The following UPF2 variants were observed in gnomAD, a reference collection of about 807,000 sequenced individuals.
UPF2 encodes the protein regulator of nonsense transcripts 2.
Under a neutral mutation model 141.4 loss-of-function variants are expected in UPF2, and 17 were observed. That is an observed-to-expected ratio of 0.12 (90% CI 0.08 to 0.18). The LOEUF (loss-of-function observed/expected upper bound fraction) is 0.18. UPF2 is among the 10% of genes least tolerant of loss of function. UPF2 has a pLI of 1.00. For missense variants in UPF2, 1,152 were observed against 1,515.9 expected (o/e 0.76, Z 3.99); for synonymous variants, 540 against 498.0 (o/e 1.08, Z -1.12).
chr10:12,009,122 T>TTAATAGAAAATATGGCATCA (rs1834087015), intron 4 of UPF2, among the ~76,000 whole-genome samples: 1 of 152,200 alleles, frequency 6.6e-6, no homozygotes, highest in Admixed American at 6.5e-5. Flanking sequence ...GTAAATTTCT[T>TTAATAGAAAATATGGCATCA]TAATAGAAAA....
At chr10:12,017,004 A>G (rs558022288) in intron 3 of UPF2, among the ~76,000 whole-genome samples, 2 of 150,926 alleles carry the variant, frequency 1.3e-5, no homozygotes, top group South Asian at 2.1e-4. Flanking sequence ...TGAGCAACAG[A>G]GCGAGACTCC....
intron 19 of UPF2, among the ~76,000 whole-genome samples, chr10:11,933,915 G>A (rs1308687625): frequency 6.6e-6 from 1 of 152,182 alleles, no homozygotes; most frequent in East Asian, 1.9e-4. Context: ...CTGTGCCAAT[G>A]TAACAGCATT....
intron 8 of UPF2, among the ~76,000 whole-genome samples, chr10:11,996,433 C>T (rs1468773060): frequency 6.6e-6 from 1 of 151,878 alleles, no homozygotes; most frequent in Non-Finnish European, 1.5e-5. Context: ...CTGCAACCTC[C>T]GCCTCCTGGG....
At chr10:12,022,410 C>CAAA (rs112402179) in intron 3 of UPF2, among the ~76,000 whole-genome samples, 2 of 75,024 alleles carry the variant, frequency 2.7e-5, no homozygotes, top group African/African-American at 8.3e-5. Context: ...GACTCCGTCT[C>CAAA]AAAAAAAAAA....
At chr10:11,947,812 CAT>C (rs1301367697) in intron 16 of UPF2, among the ~76,000 whole-genome samples, 7 of 130,168 alleles carry the variant, frequency 5.4e-5, no homozygotes, top group Non-Finnish European at 9.8e-5. Flanking sequence ...AAAAAAAAGA[CAT>C]GTGGAGATCA....
intron 4 of UPF2, among the ~76,000 whole-genome samples, chr10:12,011,254 C>G (rs1327978882): frequency 6.6e-6 from 1 of 152,218 alleles, no homozygotes; most frequent in East Asian, 1.9e-4. Flanking sequence ...CCTCCCAAAG[C>G]CCTGGTATTA....
rs545983739 is a variant in UPF2, at chr10:12,001,804, T to C, written c.1526A>G (p.Asn509Ser). The change falls in exon 6 of 22, where the codon AAT (asparagine) becomes AGT (serine). Residue 509 changes from asparagine to serine, a missense_variant. Physicochemically the swap from Asn to Ser is conservative, Grantham distance 46 (BLOSUM62 1). Transcript: ENST00000357604. The part of the protein sequence containing the change: ...DTKEAKESKE[N>S]KEVSSPDDLE... ...ATCATCGGGACTTGATACCTCCTTA[T>C]TCTCCTTAGATTCTTTTGCCTCTGT... 4 of 1,605,244 alleles carry C rather than the reference T, an allele frequency of 2.5e-6. No individual in the cohort carries two copies. In the East Asian group the frequency reaches 6.7e-5, roughly 27 times the overall value.
chr10:11,921,321 C>T lies in UPF2; in HGVS notation c.3810-14G>A. 1 of 1,614,102 alleles carries T rather than the reference C, an allele frequency of 6.2e-7. No individual in the cohort carries two copies. The highest frequency in any genetic ancestry group is 8.5e-7 in the Non-Finnish European group (1 of 1,180,026). ...GATCAACGTCTCCTAAAGGAACAAA[C>T]AGGGTCACATCAGAGAGCTTACTGC... On this transcript the variant is annotated splice_polypyrimidine_tract_variant and intron_variant, in intron 21 of 21. Coordinates refer to ENST00000357604, the MANE Select transcript of UPF2 (RefSeq NM_015542.4). This position sits in a 1 kb window ranked among gnomAD's most constrained non-coding sequence, Gnocchi z 5.9.
At chr10:12,033,289 A>C (rs575727988) in intron 2 of UPF2, among the ~76,000 whole-genome samples, 51 of 152,114 alleles carry the variant, frequency 3.4e-4, no homozygotes, top group African/African-American at 1.2e-3. Context: ...TAATCTCAAC[A>C]CTTTGGGAGG....
chr10:11,952,412 C>A (rs933531560), intron 14 of UPF2, among the ~76,000 whole-genome samples, 163 bp from the exon 15 acceptor site: 1 of 151,474 alleles, frequency 6.6e-6, no homozygotes, highest in Non-Finnish European at 1.5e-5. Flanking sequence ...GATCCTATTC[C>A]AATCATTTCC....
chr10:12,008,496 G>A (rs1834073409), intron 4 of UPF2, among the ~76,000 whole-genome samples: 1 of 151,776 alleles, frequency 6.6e-6, no homozygotes, highest in African/African-American at 2.4e-5. Context: ...CAGGCATGGT[G>A]ACACATGCCT....
At chr10:11,964,410 G>A (rs1564346951) in intron 10 of UPF2, among the ~76,000 whole-genome samples, 1 of 152,154 alleles carries the variant, frequency 6.6e-6, no homozygotes, top group African/African-American at 2.4e-5. Flanking sequence ...CACATACACA[G>A]CAGACATTTT....
rs1170159024 is a variant in UPF2, at chr10:11,939,170, C to G, written c.3379-2458G>C. On this transcript the variant is annotated intron_variant, in intron 18 of 21. Transcript: ENST00000357604. The surrounding 1 kb of genome is among the most constrained non-coding windows in gnomAD (Gnocchi z 4.8). The stretch of plus-strand genomic sequence containing the variant: ...CAGGCATTGAGCCACTGTGCCTGGC[C>G]AGCAAGTTTCTTGTCTTTCCAAGCC... 6.6e-6 allele frequency among the ~76,000 whole-genome samples: 1 copy of G among 151,992 alleles called. No homozygotes were observed. Among genetic ancestry groups the G allele is most frequent in the African/African-American group, 2.4e-5 (1 of 41,346 alleles).
chr10:11,943,152 T>C lies in UPF2; in HGVS notation c.3191A>G (p.Asp1064Gly), dbSNP rs750427663. The C allele has an allele frequency of 6.2e-7, 1 of 1,610,254 alleles. No homozygotes were observed. The highest frequency in any genetic ancestry group is 8.5e-7 in the Non-Finnish European group (1 of 1,178,596). Residue 1064 changes from aspartate to glycine, a missense_variant, in exon 17 of 22, where the codon GAT becomes GGT. This residue lies in a region of UPF2 where 202 missense variants were observed against 223.6 expected (regional missense o/e 0.90). Coordinates refer to ENST00000357604, the MANE Select transcript of UPF2 (RefSeq NM_015542.4). ...EPEEEEGSDNDDDEGEEEEEE... is the reference protein window; with the variant it reads ...EPEEEEGSDNGDDEGEEEEEE... ...CTCCTCTTCTTCTCCCTCATCATCATCATTATCAGAACCCTCCTGAAATTA... is the reference window on the plus strand; with the variant it reads ...CTCCTCTTCTTCTCCCTCATCATCACCATTATCAGAACCCTCCTGAAATTA...
chr10:12,001,904 A>G, intron 5 of UPF2, 79 bp from the exon 6 acceptor site: 1 of 1,329,656 alleles, frequency 7.5e-7, no homozygotes. Context: ...TAAGACTCAC[A>G]AAATCTGCAG....
chr10:11,934,397 T>C (rs1467690084), intron 19 of UPF2, among the ~76,000 whole-genome samples: 1 of 151,996 alleles, frequency 6.6e-6, no homozygotes, highest in African/African-American at 2.4e-5. Flanking sequence ...CCAACCCTGG[T>C]CGAAGGAGGG....
chr10:11,970,751 G>A (rs1833402876), intron 9 of UPF2, among the ~76,000 whole-genome samples: 1 of 152,282 alleles, frequency 6.6e-6, no homozygotes, highest in South Asian at 2.1e-4. Flanking sequence ...CGGGGAGGTT[G>A]CAGCAAGCTG....
intron 18 of UPF2, among the ~76,000 whole-genome samples, chr10:11,938,799 G>A (rs77729167): frequency 7.0e-6 from 1 of 142,794 alleles, no homozygotes; most frequent in East Asian, 2.1e-4. Context: ...TAAAACAGTT[G>A]AGAACAAACT....
chr10:11,947,502 T>TGG (rs1833015708), intron 16 of UPF2, among the ~76,000 whole-genome samples: 1 of 152,014 alleles, frequency 6.6e-6, no homozygotes, highest in South Asian at 2.1e-4. Flanking sequence ...ACACAAGAAG[T>TGG]GGGGTGCAAT....
Sources: allele counts gnomAD v4.1 joint callset (sites outside exome capture counted in the v4.1 genomes callset), GRCh38; gene constraint gnomAD v4.1.1; regional missense constraint gnomAD v4.1.1; non-coding constraint Gnocchi (gnomAD v3.1); transcripts MANE v1.5; gene names NCBI Gene and HGNC (gene_info 2026-07-23, HGNC 2026-07-21).